Variants in ATP8B3 observed in about 807,000 individuals in gnomAD.
ATP8B3 encodes ATPase phospholipid transporting 8B3.
In ATP8B3, 141 loss-of-function variants were observed where a neutral mutation model predicts 140.9. The ratio of observed to expected loss-of-function variants is 1.00; its 90% confidence interval spans 0.87 to 1.15. The LOEUF is 1.15. Among genes scored for constraint, ATP8B3 ranks in the 50% most tolerant of loss-of-function variants. The pLI is 0.00. For missense variants in ATP8B3, 1,874 were observed against 1,740.6 expected (o/e 1.08, Z -1.36); for synonymous variants, 765 against 714.6 (o/e 1.07, Z -1.13).
rs935313399 is a variant in ATP8B3, at chr19:1,792,280, T to C, written c.2056-145A>G. The C allele has an allele frequency of 1.5e-5, 15 of 984,724 alleles. No individual in the cohort carries two copies. The African/African-American group carries it at 2.5e-4, about 16-fold the overall frequency. 61.0% of individuals were successfully genotyped at this position (984,724 alleles called of 1,614,324 possible). A position where few individuals can be genotyped will look rare whatever the true frequency, so the allele number is the denominator to read the frequency against. ...CCCAGCCAACAGCAGCCAGAAGGGA[T>C]TCAGAAAACTGGTCTGAGGCCGGGT... On this transcript the variant is annotated intron_variant, in intron 18 of 28. Coordinates refer to ENST00000310127, the MANE Select transcript of ATP8B3 (RefSeq NM_138813.4).
chr19:1,787,771 C>T (rs1294671997), intron 24 of ATP8B3, among the ~76,000 whole-genome samples: 13 of 130,074 alleles, frequency 1.0e-4, no homozygotes, highest in African/African-American at 3.2e-4. Context: ...ACGCTGGGTG[C>T]GATTGCTCAT....
intron 10 of ATP8B3, among the ~76,000 whole-genome samples, chr19:1,803,866 A>G (rs1195569558): frequency 6.8e-6 from 1 of 146,402 alleles, no homozygotes. Context: ...ACTGCACTCC[A>G]GCCTGGGCAA....
In ATP8B3 at chr19:1,809,690, G is replaced by T. The variant is rs374095882; in HGVS notation, c.355C>A (p.Gln119Lys). Residue 119 changes from glutamine to lysine, a missense_variant, in exon 4 of 29, where the codon CAG becomes AAG. By Grantham distance (53) the Gln-to-Lys change is moderately conservative. This residue lies in a region of ATP8B3 where 1,032 missense variants were observed against 963.6 expected (regional missense o/e 1.07). Transcript: ENST00000310127. ...VQANNRAYNG[Q>K]FKEKVILCWQ... ...CACAGGATCACCTTCTCCTTGAACT[G>T]CCCGTTGTAGGCACGGTTGTTGGCC... 76 of 1,611,462 alleles carry T rather than the reference G, an allele frequency of 4.7e-5. No individual in the cohort carries two copies. Among genetic ancestry groups the T allele is most frequent in the Admixed American group, 6.7e-5 (4 of 59,822 alleles).
At position 1,794,091 on chromosome 19, in the gene ATP8B3, G is replaced by A. The variant is rs535655750; in HGVS notation, c.2055+1784C>T. 9.9e-5 allele frequency among the ~76,000 whole-genome samples: 15 copies of A among 152,180 alleles called. No homozygotes were observed. The highest frequency in any genetic ancestry group is 3.4e-4 in the African/African-American group (14 of 41,520). ...CGCCCAGGCTGGAGTGCAGTGGTGC[G>A]ATCACAGCTTGCTGTAGCCTCCACC... On this transcript the variant is annotated intron_variant, in intron 18 of 28. Coordinates refer to ENST00000310127, the MANE Select transcript of ATP8B3 (RefSeq NM_138813.4). This position sits in a 1 kb window ranked among gnomAD's most constrained non-coding sequence, Gnocchi z 4.8.
rs547939182 is a variant in ATP8B3 at position 1,805,725 on chromosome 19, C to G, written c.821+163G>C. Among the ~76,000 whole-genome samples, 2 of 152,224 alleles carry G rather than the reference C, an allele frequency of 1.3e-5. No homozygotes were observed. The highest frequency in any genetic ancestry group is 1.3e-4 in the Admixed American group (2 of 15,292). ...AATGGGGAGGGTGGGCGTCTTCCTC[C>G]CCTCAGTGCCTGGCAGCACCCACGC... On this transcript the variant is annotated intron_variant, in intron 9 of 28. Transcript: ENST00000310127. The surrounding 1 kb of genome is among the most constrained non-coding windows in gnomAD (Gnocchi z 5.2).
At position 1,783,221 on chromosome 19, in the gene ATP8B3, G is replaced by A. The variant is rs746054328; in HGVS notation, c.3710C>T (p.Pro1237Leu). Reference protein sequence around the residue: ...GPSEEIFTMEPLPHVHRESRA... With the variant: ...GPSEEIFTMELLPHVHRESRA... ...AGACTCCCGGTGTACATGAGGCAAG[G>A]GCTCCATGGTGAAAATCTCCTCGCT... The change falls in exon 29 of 29, where the codon CCC becomes CTC. Residue 1237 changes from proline to leucine, a missense_variant. Around this residue, in one of 3 missense-constraint regions of ATP8B3, gnomAD observed 840 missense variants for 760.9 expected, o/e 1.10. Coordinates refer to ENST00000310127, the MANE Select transcript of ATP8B3 (RefSeq NM_138813.4). 11 of 1,612,152 alleles carry A rather than the reference G, an allele frequency of 6.8e-6. 1 individual carries two copies. The South Asian group carries it at 1.2e-4, about 18-fold the overall frequency.
Position 1,785,426 on chromosome 19 carries a change from T to C in ATP8B3, c.3393+43A>G, listed in dbSNP as rs771381962. 10 of 1,600,320 alleles carry C rather than the reference T, an allele frequency of 6.2e-6. No homozygotes were observed. In the East Asian group the frequency reaches 1.3e-4, roughly 22 times the overall value. ...GGGTCCCCAGGGGAGGAGGCCTCCATAGGCCATGTCCAAGGCCCCGGGGAG... is the reference window on the plus strand; with the variant it reads ...GGGTCCCCAGGGGAGGAGGCCTCCACAGGCCATGTCCAAGGCCCCGGGGAG... On this transcript the variant is annotated intron_variant, in intron 26 of 28. Coordinates refer to ENST00000310127, the MANE Select transcript of ATP8B3 (RefSeq NM_138813.4).
At chr19:1,784,726 C>G in intron 28 of ATP8B3, 93 bp downstream of exon 28, 1 of 1,431,752 alleles carries the variant, frequency 7.0e-7, no homozygotes. Context: ...CGAGAGGGGC[C>G]GGGACACCTT....
intron 25 of ATP8B3, among the ~76,000 whole-genome samples, chr19:1,786,565 C>CAAA (rs57628690): frequency 9.1e-6 from 1 of 109,862 alleles, no homozygotes; most frequent in African/African-American, 3.1e-5. Flanking sequence ...GACCCTGTCT[C>CAAA]AAAAAAAAAA....
At chr19:1,784,057 T>A (rs1448557676) in intron 28 of ATP8B3, among the ~76,000 whole-genome samples, 1 of 152,156 alleles carries the variant, frequency 6.6e-6, no homozygotes, top group Non-Finnish European at 1.5e-5. Flanking sequence ...GCCTCACTCC[T>A]TCTCACGGCT....
intron 14 of ATP8B3, chr19:1,799,465 GA>G (rs532925512): frequency 0.063 from 9,036 of 143,138 alleles, 53 homozygotes; most frequent in Middle Eastern, 0.11. Context: ...GTCTCAGAGA[GA>G]AAAAAAAAAA....
chr19:1,795,811 ACACAC>A (rs2068647065), intron 18 of ATP8B3, 59 bp downstream of exon 18: 1 of 885,932 alleles, frequency 1.1e-6, no homozygotes, highest in African/African-American at 1.7e-5. Context: ...ACACACACAC[ACACAC>A]ACACACACAC....
At chr19:1,810,849 G>A (rs1374458154) in intron 2 of ATP8B3, among the ~76,000 whole-genome samples, 166 bp from the exon 3 acceptor site, 2 of 152,150 alleles carry the variant, frequency 1.3e-5, no homozygotes, top group Non-Finnish European at 2.9e-5. Flanking sequence ...CATAGGCTGT[G>A]TGTCTTGCCT....
At position 1,782,198 on chromosome 19, in the gene ATP8B3, T is replaced by C; in HGVS notation, c.*830A>G. 1 of 261,624 alleles carries C rather than the reference T, an allele frequency of 3.8e-6. No homozygotes were observed. 16.2% of individuals were successfully genotyped at this position (261,624 alleles called of 1,614,324 possible). A position where few individuals can be genotyped will look rare whatever the true frequency, so the allele number is the denominator to read the frequency against. ...CAGCAGAACTGGCTGGAGCTTCTTC[T>C]TCCCAGGAAGGACATCTTCCTGATA... is the stretch of plus-strand genomic sequence containing the variant. On this transcript the variant is annotated 3_prime_UTR_variant, in exon 29 of 29. Coordinates refer to ENST00000310127, the MANE Select transcript of ATP8B3 (RefSeq NM_138813.4).
At chr19:1,803,988 G>A (rs2068934776) in intron 10 of ATP8B3, among the ~76,000 whole-genome samples, 1 of 151,882 alleles carries the variant, frequency 6.6e-6, no homozygotes, top group Admixed American at 6.6e-5. Flanking sequence ...CCTCCACCAG[G>A]GCTAAGCCTT....
chr19:1,802,407 A>AGCC, intron 11 of ATP8B3, 80 bp downstream of exon 11: 4 of 318,102 alleles, frequency 1.3e-5, no homozygotes, highest in South Asian at 2.0e-5. Flanking sequence ...CCACCCACCT[A>AGCC]CCCACCCACC....
chr19:1,785,701 C>T lies in ATP8B3; in HGVS notation c.3161G>A (p.Ser1054Asn), dbSNP rs1464586016. The change falls in exon 26 of 29, where the codon AGC (serine) becomes AAC (asparagine). Residue 1054 changes from serine to asparagine, a missense_variant. Transcript: ENST00000310127. Reference sequence around the variant, plus strand: ...CGGCTTCTCCAGGCTCTGCTCTGCGCTCACGTCCTTGGGGCAAGCAGAAGC... The same window carrying T: ...CGGCTTCTCCAGGCTCTGCTCTGCGTTCACGTCCTTGGGGCAAGCAGAAGC... ...LYIGLFEQDV[S>N]AEQSLEKPEL... 1 of 1,599,828 alleles carries T rather than the reference C, an allele frequency of 6.3e-7. No individual in the cohort carries two copies. The highest frequency in any genetic ancestry group is 2.3e-5 in the East Asian group (1 of 44,352).
chr19:1,810,692 G>A lies in ATP8B3; in HGVS notation c.249-9C>T. On this transcript the variant is annotated splice_polypyrimidine_tract_variant and intron_variant, in intron 2 of 28. Coordinates refer to ENST00000310127, the MANE Select transcript of ATP8B3 (RefSeq NM_138813.4). The stretch of plus-strand genomic sequence containing the variant: ...TGCCCATGCTGGTGGGGCTGTGGGA[G>A]AGAAGGGCCCCGGGTCACAGCAGTG... 1 of 1,611,206 alleles carries A rather than the reference G, an allele frequency of 6.2e-7. No homozygotes were observed.
At chr19:1,809,209 G>A (rs984966247) in intron 4 of ATP8B3, among the ~76,000 whole-genome samples, 77 of 149,530 alleles carry the variant, frequency 5.1e-4, no homozygotes, top group African/African-American at 1.4e-3. Flanking sequence ...GAGGCTGGGC[G>A]CAGTGGCTTA....
Sources: allele counts gnomAD v4.1 joint callset (sites outside exome capture counted in the v4.1 genomes callset), GRCh38; gene constraint gnomAD v4.1.1; regional missense constraint gnomAD v4.1.1; non-coding constraint Gnocchi (gnomAD v3.1); transcripts MANE v1.5; gene names NCBI Gene and HGNC (gene_info 2026-07-23, HGNC 2026-07-21).